PXDNL: variants seen among roughly 807,000 people sequenced by gnomAD.
PXDNL encodes the protein peroxidasin like, also known as probable oxidoreductase PXDNL.
PXDNL carries 145 observed loss-of-function variants against 150.8 expected under a neutral mutation model. The observed-to-expected ratio is 0.96, with a 90% CI of 0.84 to 1.10. The LOEUF (loss-of-function observed/expected upper bound fraction) is 1.10, where lower values mean the gene tolerates loss of function less well. PXDNL is among the 50% of genes least tolerant of loss of function. The pLI is 0.00. For missense variants in PXDNL, 2,087 were observed against 1,873.9 expected, an observed-to-expected ratio of 1.11 and a Z score of -2.10; for synonymous variants, 757 against 725.7, an observed-to-expected ratio of 1.04 and a Z score of -0.69.
At chr8:51,439,180 G>A (rs1431059214) in intron 12 of PXDNL, among the ~76,000 whole-genome samples, 1 of 152,136 alleles carries the variant, frequency 6.6e-6, no homozygotes, top group Non-Finnish European at 1.5e-5. Context: ...TATGCATCCA[G>A]TGAGGACTAA....
chr8:51,410,955 C>T (rs1808622393), intron 16 of PXDNL, among the ~76,000 whole-genome samples: 1 of 152,094 alleles, frequency 6.6e-6, no homozygotes. Context: ...CTCTATAAGA[C>T]ACAATAATAT....
intron 1 of PXDNL, among the ~76,000 whole-genome samples, chr8:51,776,519 G>A (rs1271409270): frequency 6.6e-6 from 1 of 152,018 alleles, no homozygotes; most frequent in Non-Finnish European, 1.5e-5. Context: ...GAATTATCGG[G>A]GGCTGGTTTC....
chr8:51,411,501 A>G, intron 15 of PXDNL, 94 bp from the exon 16 acceptor site: 1 of 1,157,222 alleles, frequency 8.6e-7, no homozygotes, highest in Non-Finnish European at 1.2e-6. Flanking sequence ...CATTTCCCAA[A>G]CATTCGAGAA....
chr8:51,449,449 T>C (rs1809754900), intron 10 of PXDNL, among the ~76,000 whole-genome samples: 2 of 152,206 alleles, frequency 1.3e-5, no homozygotes, highest in Non-Finnish European at 2.9e-5. Flanking sequence ...AGCTACAAAT[T>C]GTACTTTAAA....
intron 1 of PXDNL, among the ~76,000 whole-genome samples, chr8:51,677,229 C>T (rs1284671508): frequency 6.6e-6 from 1 of 152,182 alleles, no homozygotes; most frequent in Non-Finnish European, 1.5e-5. Flanking sequence ...ACCCTGCATA[C>T]CTCTTGGTCA....
At chr8:51,423,859 G>C in intron 13 of PXDNL, 128 bp from the exon 14 acceptor site, 1 of 734,508 alleles carries the variant, frequency 1.4e-6, no homozygotes, top group Non-Finnish European at 2.0e-6. Context: ...GTCAAGTACT[G>C]GAGGAGATAC....
chr8:51,784,060 T>C (rs1228140603), intron 1 of PXDNL, among the ~76,000 whole-genome samples: 1 of 152,202 alleles, frequency 6.6e-6, no homozygotes, highest in African/African-American at 2.4e-5. Flanking sequence ...GTTGATAGAA[T>C]AGATATGGCA....
chr8:51,532,267 A>G (rs1051150726), intron 4 of PXDNL, among the ~76,000 whole-genome samples: 4 of 152,342 alleles, frequency 2.6e-5, no homozygotes, highest in East Asian at 1.9e-4. Flanking sequence ...GTTATTTTTC[A>G]CAGTATTATA....
chr8:51,735,555 T>TTTTTTTTTTTTTTG (rs1817020322), intron 1 of PXDNL, among the ~76,000 whole-genome samples: 7 of 114,696 alleles, frequency 6.1e-5, no homozygotes, highest in East Asian at 2.4e-4. Context: ...TTTTTTTTTT[T>TTTTTTTTTTTTTTG]TTTTTTTTTG....
rs1431467507 is a variant in PXDNL, at chr8:51,332,214, C to T, written c.4146+7410G>A. Among the ~76,000 whole-genome samples, 14 of 152,094 alleles carry T rather than the reference C, an allele frequency of 9.2e-5. No homozygotes were observed. In the South Asian group the frequency reaches 2.1e-3, roughly 23 times the overall value. On this transcript the variant is annotated intron_variant, in intron 21 of 22. Transcript: ENST00000356297. ...GTGTAGACTCGCTGGATGGCTAGAC[C>T]CAGAAGAGAGACAACAATCACTGCA...
chr8:51,656,408 A>T lies in PXDNL; in HGVS notation c.165-1648T>A, dbSNP rs563393845. On this transcript the variant is annotated intron_variant, in intron 1 of 22. Coordinates refer to ENST00000356297, the MANE Select transcript of PXDNL (RefSeq NM_144651.5). ...ATCCATTGCTGTTTGGTATGTCTAG[A>T]CTATATCAGTAAAAGAAACTGTAAG... Among the ~76,000 whole-genome samples the T allele has an allele frequency of 2.6e-5, 4 of 152,294 alleles. No individual in the cohort carries two copies. The East Asian group carries it at 7.7e-4, about 29-fold the overall frequency.
At chr8:51,538,639 C>G (rs546647513) in intron 4 of PXDNL, among the ~76,000 whole-genome samples, 2 of 151,848 alleles carry the variant, frequency 1.3e-5, no homozygotes, top group African/African-American at 4.8e-5. Flanking sequence ...TGGTGGTGGG[C>G]GTCTGTAATC....
intron 2 of PXDNL, among the ~76,000 whole-genome samples, chr8:51,604,478 A>T (rs1563480417): frequency 1.3e-5 from 2 of 152,166 alleles, no homozygotes; most frequent in Admixed American, 1.3e-4. Context: ...GAAGGGGAAC[A>T]TCACACACTG....
chr8:51,437,237 A>G (rs553087474), intron 12 of PXDNL, among the ~76,000 whole-genome samples: 1 of 152,196 alleles, frequency 6.6e-6, no homozygotes, highest in Non-Finnish European at 1.5e-5. Flanking sequence ...TCTAGAATTC[A>G]TAGCTGAATT....
intron 12 of PXDNL, among the ~76,000 whole-genome samples, chr8:51,445,111 G>T (rs868085988): frequency 2.0e-5 from 3 of 152,004 alleles, no homozygotes; most frequent in African/African-American, 2.4e-5. Flanking sequence ...GTAGAGACAG[G>T]GTTTCACCAT....
intron 1 of PXDNL, among the ~76,000 whole-genome samples, chr8:51,743,717 A>G (rs2036931748): frequency 6.6e-6 from 1 of 151,814 alleles, no homozygotes; most frequent in Non-Finnish European, 1.5e-5. Context: ...TGGTTTGACC[A>G]TTTGGTCAGG....
At position 51,656,680 on chromosome 8, in the gene PXDNL, A is replaced by G. The variant is rs534963393; in HGVS notation, c.165-1920T>C. On this transcript the variant is annotated intron_variant, in intron 1 of 22. Coordinates refer to ENST00000356297, the MANE Select transcript of PXDNL (RefSeq NM_144651.5). Reference sequence around the variant, plus strand: ...GCTTTGAAATTTCTGAAAAATTCAGAAAAGTACAAATGAGAAAATAATAAT... The same window carrying G: ...GCTTTGAAATTTCTGAAAAATTCAGGAAAGTACAAATGAGAAAATAATAAT... 3.9e-5 allele frequency among the ~76,000 whole-genome samples: 6 copies of G among 152,190 alleles called. No homozygotes were observed. The East Asian group carries it at 9.6e-4, about 24-fold the overall frequency.
intron 1 of PXDNL, among the ~76,000 whole-genome samples, chr8:51,766,571 T>C (rs1045542114): frequency 6.6e-6 from 1 of 152,196 alleles, no homozygotes; most frequent in Non-Finnish European, 1.5e-5. Flanking sequence ...TGTCTTAATT[T>C]TCCTTCACTT....
chr8:51,346,044 C>T (rs1271992778), intron 19 of PXDNL, 97 bp from the exon 20 acceptor site: 3 of 726,000 alleles, frequency 4.1e-6, no homozygotes, highest in Non-Finnish European at 7.1e-6. Flanking sequence ...GGCAAGAGTA[C>T]CAAGAAGAAA....
Sources: gnomAD v4.1 joint callset for allele counts (sites outside exome capture counted in the v4.1 genomes callset) on GRCh38, gnomAD v4.1.1 for gene constraint, MANE v1.5 for transcripts, NCBI Gene and HGNC (gene_info 2026-07-23, HGNC 2026-07-21) for gene names.